TUSC3: variants seen among roughly 807,000 people sequenced by gnomAD.
TUSC3 encodes the protein tumor suppressor candidate 3.
TUSC3 carries 45 observed loss-of-function variants against 44.8 expected under a neutral mutation model. That is an observed-to-expected ratio of 1.00 (90% confidence interval 0.79 to 1.29). The LOEUF (loss-of-function observed/expected upper bound fraction) is 1.29. Ranked by LOEUF, TUSC3 falls within the 50% of genes most tolerant of loss-of-function variation. TUSC3 has a pLI of 0.00. For missense variants in TUSC3, 519 were observed against 437.9 expected, an observed-to-expected ratio of 1.19 and a Z score of -1.65; for synonymous variants, 212 against 152.9, an observed-to-expected ratio of 1.39 and a Z score of -2.85.
chr8:15,573,218 A>ATATATG (rs1554516684), intron 1 of TUSC3, among the ~76,000 whole-genome samples: 138 of 139,436 alleles, frequency 9.9e-4, no homozygotes, highest in Non-Finnish European at 1.6e-3. Flanking sequence ...ATATATATAT[A>ATATATG]TATATATATA....
At chr8:15,636,132 C>G (rs1806062784) in intron 2 of TUSC3, among the ~76,000 whole-genome samples, 1 of 152,098 alleles carries the variant, frequency 6.6e-6, no homozygotes, top group South Asian at 2.1e-4. Flanking sequence ...AGCAGAACAA[C>G]CACGCCTGTT....
chr8:15,505,591 C>T (rs1032031044), intron 2 of TUSC3, among the ~76,000 whole-genome samples: 1 of 152,246 alleles, frequency 6.6e-6, no homozygotes, highest in East Asian at 1.9e-4. Context: ...GCTTGTCTGT[C>T]CTAAGAATCA....
At chr8:15,840,746 T>G in the TUSC3 span, among the ~76,000 whole-genome samples, 1 of 152,192 alleles carries the variant, frequency 6.6e-6, no homozygotes, top group African/African-American at 2.4e-5. Context: ...CTTATAATTT[T>G]TATCCTTTGA....
chr8:15,608,236 A>G (rs1169827972), intron 1 of TUSC3, among the ~76,000 whole-genome samples: 1 of 151,302 alleles, frequency 6.6e-6, no homozygotes, highest in African/African-American at 2.4e-5. Context: ...GTTCTTGGTT[A>G]TATTTTATCC....
intron 1 of TUSC3, among the ~76,000 whole-genome samples, chr8:15,561,348 G>C (rs1350646910): frequency 1.4e-5 from 2 of 145,262 alleles, no homozygotes; most frequent in African/African-American, 2.5e-5. Context: ...ACTTGAGGAG[G>C]CAGTCTGCCA....
At chr8:15,748,228 G>A in intron 8 of TUSC3, 147 bp from the exon 9 acceptor site, 1 of 686,488 alleles carries the variant, frequency 1.5e-6, no homozygotes, top group Non-Finnish European at 2.6e-6. Context: ...TTGGATACCT[G>A]TATCCAAATA....
the TUSC3 span, among the ~76,000 whole-genome samples, chr8:15,829,357 A>C: frequency 2.0e-3 from 306 of 152,298 alleles, 2 homozygotes; most frequent in African/African-American, 7.1e-3. Flanking sequence ...ATACTGTCAA[A>C]TTGCCTTGCA....
intron 6 of TUSC3, among the ~76,000 whole-genome samples, chr8:15,695,507 G>A (rs1240550542): frequency 2.6e-5 from 4 of 152,116 alleles, no homozygotes; most frequent in African/African-American, 7.2e-5. Flanking sequence ...GTGTGAAAAC[G>A]GACTAATACA....
intron 6 of TUSC3, among the ~76,000 whole-genome samples, chr8:15,697,463 G>T (rs946670012): frequency 6.6e-6 from 1 of 152,150 alleles, no homozygotes; most frequent in Non-Finnish European, 1.5e-5. Flanking sequence ...TATTTCAGAG[G>T]TTTTGATAGG....
intron 6 of TUSC3, among the ~76,000 whole-genome samples, chr8:15,712,070 T>C (rs1809875405): frequency 6.6e-6 from 1 of 151,998 alleles, no homozygotes; most frequent in African/African-American, 2.4e-5. Flanking sequence ...ATAATTTTTA[T>C]TTTCTAGGAT....
intron 1 of TUSC3, 128 bp downstream of exon 1, chr8:15,540,696 G>C: frequency 3.1e-6 from 4 of 1,301,146 alleles, no homozygotes; most frequent in Middle Eastern, 2.7e-4. Flanking sequence ...CGCTGGGGCG[G>C]GAGCCGCGAG....
intron 1 of TUSC3, among the ~76,000 whole-genome samples, chr8:15,453,965 G>A (rs1371692626): frequency 6.6e-6 from 1 of 152,184 alleles, no homozygotes. Flanking sequence ...TGTACACTAA[G>A]AGGCAAAATG....
rs149897638 is a variant in TUSC3, at chr8:15,553,706, G to C, written c.138+13138G>C. The stretch of plus-strand genomic sequence containing the variant: ...ATGAGTGGGTTGTGAGGAAGTGGAG[G>C]CAGCCAACACTTCTTCTCAAACAAT... On this transcript the variant is annotated intron_variant, in intron 1 of 10. Coordinates refer to ENST00000503731, the MANE Select transcript of TUSC3 (RefSeq NM_006765.4). 4.0e-5 allele frequency among the ~76,000 whole-genome samples: 6 copies of C among 151,818 alleles called. 1 individual carries two copies. Among genetic ancestry groups the C allele is most frequent in the African/African-American group, 1.2e-4 (5 of 41,522 alleles).
intron 1 of TUSC3, among the ~76,000 whole-genome samples, chr8:15,473,747 G>A (rs1452106025): frequency 6.6e-6 from 1 of 152,110 alleles, no homozygotes; most frequent in Non-Finnish European, 1.5e-5. Context: ...ATGCTTCAAA[G>A]GGCAAAAAGC....
chr8:15,435,080 T>G (rs901226489), intron 1 of TUSC3, among the ~76,000 whole-genome samples: 2 of 148,862 alleles, frequency 1.3e-5, no homozygotes, highest in Non-Finnish European at 2.9e-5. Flanking sequence ...CAAATGGTAT[T>G]TCTAGTTCTA....
At chr8:15,821,594 T>G in the TUSC3 span, among the ~76,000 whole-genome samples, 1 of 151,876 alleles carries the variant, frequency 6.6e-6, no homozygotes, top group Admixed American at 6.6e-5. Flanking sequence ...GTTTTTTTTT[T>G]TAGGAGTTTT....
At chr8:15,455,004 G>A (rs756840791) in intron 1 of TUSC3, among the ~76,000 whole-genome samples, 26 of 152,084 alleles carry the variant, frequency 1.7e-4, no homozygotes, top group Non-Finnish European at 3.4e-4. Flanking sequence ...AAAACCATGG[G>A]GAATCTTAGG....
At chr8:15,551,868 A>G (rs1355697310) in intron 1 of TUSC3, among the ~76,000 whole-genome samples, 1 of 151,752 alleles carries the variant, frequency 6.6e-6, no homozygotes, top group Non-Finnish European at 1.5e-5. Flanking sequence ...TTAGCGTCAT[A>G]GCATTTGTAT....
chr8:15,440,047 A>T (rs1379378654), intron 1 of TUSC3, among the ~76,000 whole-genome samples: 2 of 152,214 alleles, frequency 1.3e-5, no homozygotes, highest in Non-Finnish European at 2.9e-5. Context: ...GCATTTTGAG[A>T]TAGGCTTTCA....
Sources: allele counts gnomAD v4.1 joint callset (sites outside exome capture counted in the v4.1 genomes callset), GRCh38; gene constraint gnomAD v4.1.1; transcripts MANE v1.5; gene names NCBI Gene and HGNC (gene_info 2026-07-23, HGNC 2026-07-21).